Variants in ROBO3 observed in about 807,000 individuals in gnomAD.
ROBO3 encodes the protein roundabout guidance receptor 3.
Under a neutral mutation model 160.5 loss-of-function variants are expected in ROBO3, and 97 were observed. The observed-to-expected ratio is 0.60, with a 90% CI of 0.51 to 0.72. ROBO3 has a LOEUF of 0.72. Ranked by LOEUF, ROBO3 falls within the 30% of genes least tolerant of loss-of-function variation. The probability of loss-of-function intolerance (pLI) is 0.00; values close to 1 mark genes in which losing one functional copy is unlikely to be tolerated. For synonymous variants in ROBO3, 780 were observed against 746.2 expected, an observed-to-expected ratio of 1.05 and a Z score of -0.74; for missense variants, 1,858 against 1,846.5, an observed-to-expected ratio of 1.01 and a Z score of -0.11.
chr11:124,868,421 C>T, intron 1 of ROBO3: 1 of 547,948 alleles, frequency 1.8e-6, no homozygotes, highest in Non-Finnish European at 3.3e-6. Context: ...TGAACCAGTG[C>T]AGGTGGAGAT....
In ROBO3 at chr11:124,870,295, C is replaced by T; in HGVS notation, c.897C>T (p.Pro299=). The T allele has an allele frequency of 6.2e-7, 1 of 1,613,628 alleles. No homozygotes were observed. Among genetic ancestry groups the T allele is most frequent in the Non-Finnish European group, 8.5e-7 (1 of 1,179,686 alleles). ...LRWRKEDGEL[P]TGRYEIRSDH... ...GGCGCAAGGAGGATGGGGAACTGCC[C>T]ACAGGCAGGTGAGAGACCCCCTTCT... The change falls in exon 5 of 28, where the codon CCC becomes CCT. Residue 299 remains proline, a synonymous_variant. Transcript: ENST00000397801.
intron 1 of ROBO3, 182 bp from the exon 2 acceptor site, chr11:124,868,620 C>T: frequency 1.4e-6 from 1 of 723,226 alleles, no homozygotes; most frequent in Non-Finnish European, 2.5e-6. Context: ...ACGAGGAACG[C>T]GGAACGTCTG....
In ROBO3 at chr11:124,880,552, C is replaced by T. The variant is rs778312199; in HGVS notation, c.4093C>T (p.Arg1365Trp). Residue 1365 changes from arginine to tryptophan, a missense_variant, in exon 27 of 28, where the codon CGG (arginine) becomes TGG (tryptophan). By Grantham distance (101) the Arg-to-Trp change is moderately radical. Transcript: ENST00000397801. ...SRGSRGPGRS[R>W]SRSQSRSQSQ... Reference sequence around the variant, plus strand: ...GGGCTCCCGGGGCCCTGGCCGGAGCCGGAGTCGGAGTCAGAGCCGGAGCCA... The same window carrying T: ...GGGCTCCCGGGGCCCTGGCCGGAGCTGGAGTCGGAGTCAGAGCCGGAGCCA... 1.8e-4 allele frequency: 141 copies of T among 800,762 alleles called. No individual in the cohort carries two copies. Among genetic ancestry groups the T allele is most frequent in the Admixed American group, 3.5e-4 (10 of 28,902 alleles). The allele number at this position is 800,762 out of a possible 1,614,324, so 49.6% of individuals were successfully genotyped here.
rs533730490 is a variant in ROBO3, at chr11:124,880,334, G to A, written c.3959-84G>A. The A allele has an allele frequency of 1.4e-5, 21 of 1,554,860 alleles. No homozygotes were observed. The African/African-American group carries it at 1.9e-4, about 14-fold the overall frequency. ...GCCCTTCATCTTCTTCCAGAGCTGAGCCTGTGGTCAGGGTGGCAGGGTGGG... is the reference window on the plus strand; with the variant it reads ...GCCCTTCATCTTCTTCCAGAGCTGAACCTGTGGTCAGGGTGGCAGGGTGGG... On this transcript the variant is annotated intron_variant, in intron 26 of 27. Coordinates refer to ENST00000397801, the MANE Select transcript of ROBO3 (RefSeq NM_022370.4).
chr11:124,879,090 C>A, intron 23 of ROBO3, 100 bp from the exon 24 acceptor site: 1 of 1,352,518 alleles, frequency 7.4e-7, no homozygotes, highest in Non-Finnish European at 1.0e-6. Context: ...GGTTGTGTCT[C>A]GTTTATCTGT....
At chr11:124,879,621 G>C in intron 25 of ROBO3, 46 bp downstream of exon 25, 1 of 1,550,430 alleles carries the variant, frequency 6.4e-7, no homozygotes, top group Non-Finnish European at 8.8e-7. Flanking sequence ...GTGGCGGGGG[G>C]ATAGGCAGGA....
At chr11:124,880,079 C>T (rs1591523145) in intron 26 of ROBO3, 131 bp downstream of exon 26, 2 of 938,326 alleles carry the variant, frequency 2.1e-6, no homozygotes, top group East Asian at 2.7e-5. Flanking sequence ...CATCAAACTC[C>T]CCTGTCTCTC....
In ROBO3 at chr11:124,875,108, C is replaced by T. The variant is rs894813965; in HGVS notation, c.2074-3C>T. ...CTGGTGTGCCTTGTCCTGTCTCCCA[C>T]AGGTGGATGGCCCAGTCCAGCTGGT... On this transcript the variant is annotated splice_polypyrimidine_tract_variant and splice_region_variant and intron_variant, in intron 13 of 27. Transcript: ENST00000397801. 9 of 1,597,510 alleles carry T rather than the reference C, an allele frequency of 5.6e-6. No homozygotes were observed. The highest frequency in any genetic ancestry group is 1.1e-5 in the South Asian group (1 of 88,998).
In ROBO3 at chr11:124,874,892, C is replaced by G; in HGVS notation, c.2056C>G (p.Leu686Val). 1 of 1,603,838 alleles carries G rather than the reference C, an allele frequency of 6.2e-7. No individual in the cohort carries two copies. The highest frequency in any genetic ancestry group is 8.5e-7 in the Non-Finnish European group (1 of 1,175,366). ...QEPIVLGPRT[L>V]QVSWTVDGPV... ...GCCCATAGTCCTGGGACCCCGGACC[C>G]TGCAGGTGTCCTGGACTGTGAGTGT... The change falls in exon 13 of 28, where the codon CTG (leucine) becomes GTG (valine). Residue 686 changes from leucine (L) to valine (V), a missense_variant. Coordinates refer to ENST00000397801, the MANE Select transcript of ROBO3 (RefSeq NM_022370.4).
At position 124,873,313 on chromosome 11, in the gene ROBO3, A is replaced by G. The variant is rs375782698; in HGVS notation, c.1540A>G (p.Met514Val). 62 of 1,608,378 alleles carry G rather than the reference A, an allele frequency of 3.9e-5. No homozygotes were observed. The highest frequency in any genetic ancestry group is 5.2e-5 in the Non-Finnish European group (61 of 1,177,638). ...AGTGCTCTGCCCTCTCTTCCAGGAG[A>G]TGGACATGGGCTTCTACAGCTGCGT... ...GTLYIANVQE[M>V]DMGFYSCVAK... Residue 514 changes from methionine to valine, a missense_variant, in exon 10 of 28, where the codon ATG (methionine) becomes GTG (valine). By Grantham distance (21) the Met-to-Val change is conservative. Coordinates refer to ENST00000397801, the MANE Select transcript of ROBO3 (RefSeq NM_022370.4). The surrounding 1 kb of genome is among the most constrained non-coding windows in gnomAD (Gnocchi z 4.5).
chr11:124,868,476 C>A, intron 1 of ROBO3: 1 of 593,204 alleles, frequency 1.7e-6, no homozygotes, highest in Non-Finnish European at 3.0e-6. Context: ...ACTCGCCAAG[C>A]GTGGTTCAGC....
Position 124,873,458 on chromosome 11 carries a change from G to A in ROBO3, c.1618+67G>A, listed in dbSNP as rs962199354. 6.6e-5 allele frequency: 88 copies of A among 1,338,264 alleles called. No homozygotes were observed. The African/African-American group carries it at 1.2e-3, about 18-fold the overall frequency. The allele number at this position is 1,338,264 out of a possible 1,614,324, so 82.9% of individuals were successfully genotyped here. On this transcript the variant is annotated intron_variant, in intron 10 of 27. Transcript: ENST00000397801. The surrounding 1 kb of genome is among the most constrained non-coding windows in gnomAD (Gnocchi z 4.5). ...TCCAAACCTGCTTCAACAGGTAGTC[G>A]ATACCTCCTCAAACTCCGGGATTAA...
rs1946385385 is a variant in ROBO3 at position 124,876,665 on chromosome 11, C to T, written c.2779+205C>T. The T allele has an allele frequency of 4.1e-6, 2 of 488,046 alleles. No individual in the cohort carries two copies. Among genetic ancestry groups the T allele is most frequent in the Admixed American group, 3.8e-5 (1 of 26,046 alleles). 30.2% of individuals were successfully genotyped at this position (488,046 alleles called of 1,614,324 possible). On this transcript the variant is annotated intron_variant, in intron 17 of 27. Coordinates refer to ENST00000397801, the MANE Select transcript of ROBO3 (RefSeq NM_022370.4). The surrounding 1 kb of genome is among the most constrained non-coding windows in gnomAD (Gnocchi z 5.3). ...GGGAGGGCTGCGGGCCAAGACGGGG[C>T]GGGATCTGGATGACGTTTGCCTCTA...
In ROBO3 at chr11:124,869,113, T is replaced by C. The variant is rs1360121957; in HGVS notation, c.472T>C (p.Ser158Pro). Reference protein sequence around the residue: ...YLGAAASRNASLEVAVLRDDF... With the variant: ...YLGAAASRNAPLEVAVLRDDF... ...GGGGGCAGCAGCGAGCAGAAACGCC[T>C]CGCTGGAAGTGGCAGGTGAGAGTCA... Residue 158 changes from serine to proline, a missense_variant, in exon 2 of 28, where the codon TCG (serine) becomes CCG (proline). Coordinates refer to ENST00000397801, the MANE Select transcript of ROBO3 (RefSeq NM_022370.4). The surrounding 1 kb of genome is among the most constrained non-coding windows in gnomAD (Gnocchi z 4.2). 1.3e-6 allele frequency: 2 copies of C among 1,565,070 alleles called. No homozygotes were observed. The highest frequency in any genetic ancestry group is 2.7e-5 in the African/African-American group (2 of 73,802).
Position 124,868,927 on chromosome 11 carries a change from G to A in ROBO3, c.286G>A (p.Glu96Lys), listed in dbSNP as rs1946240641. 1 of 1,607,688 alleles carries A rather than the reference G, an allele frequency of 6.2e-7. No individual in the cohort carries two copies. Among genetic ancestry groups the A allele is most frequent in the African/African-American group, 1.3e-5 (1 of 74,872 alleles). The change falls in exon 2 of 28, where the codon GAG becomes AAG. Residue 96 changes from glutamate (E) to lysine (K), a missense_variant. Physicochemically the swap from Glu to Lys is moderately conservative, Grantham distance 56 (BLOSUM62 1). Transcript: ENST00000397801. ...TGAAGGCCGACCCCGACCCAACATT[G>A]AGTGGTACAAGAACGGGGCGCGTGT... is the stretch of plus-strand genomic sequence containing the variant. ...RAEGRPRPNI[E>K]WYKNGARVAT...
Position 124,876,938 on chromosome 11 carries a change from T to C in ROBO3, c.2780-223T>C. On this transcript the variant is annotated intron_variant, in intron 17 of 27. Transcript: ENST00000397801. The surrounding 1 kb of genome is among the most constrained non-coding windows in gnomAD (Gnocchi z 5.3). Reference sequence around the variant, plus strand: ...GAGATTCTGAGGTGTTTGAGGTCAGTGGTTTTCAATCTTGGTTGGCTACAC... The same window carrying C: ...GAGATTCTGAGGTGTTTGAGGTCAGCGGTTTTCAATCTTGGTTGGCTACAC... The C allele has an allele frequency of 1.6e-6, 1 of 633,344 alleles. No homozygotes were observed. The highest frequency in any genetic ancestry group is 1.8e-5 in the South Asian group (1 of 54,794). The allele number at this position is 633,344 out of a possible 1,614,324, so 39.2% of individuals were successfully genotyped here.
rs2135324994 is a variant in ROBO3 at position 124,869,188 on chromosome 11, C to G, written c.487+60C>G. 1 of 1,468,310 alleles carries G rather than the reference C, an allele frequency of 6.8e-7. No individual in the cohort carries two copies. The highest frequency in any genetic ancestry group is 2.2e-5 in the Admixed American group (1 of 46,482). 91.0% of individuals were successfully genotyped at this position (1,468,310 alleles called of 1,614,324 possible). The stretch of plus-strand genomic sequence containing the variant: ...AGAGCCTGGGGTAGGCGGGAGGGCA[C>G]TGGGCAATCAGACCCAGAACCAGCC... On this transcript the variant is annotated intron_variant, in intron 2 of 27. Transcript: ENST00000397801. The surrounding 1 kb of genome is among the most constrained non-coding windows in gnomAD (Gnocchi z 4.2).
chr11:124,878,320 G>A lies in ROBO3; in HGVS notation c.3204G>A (p.Lys1068=). 4.3e-6 allele frequency: 7 copies of A among 1,613,628 alleles called. No individual in the cohort carries two copies. The highest frequency in any genetic ancestry group is 5.9e-6 in the Non-Finnish European group (7 of 1,179,758). Residue 1068 remains lysine (K), a synonymous_variant, in exon 22 of 28, where the codon AAG becomes AAA. Coordinates refer to ENST00000397801, the MANE Select transcript of ROBO3 (RefSeq NM_022370.4). The surrounding 1 kb of genome is among the most constrained non-coding windows in gnomAD (Gnocchi z 4.3). ...GDSGAKGGKV[K]LLGKPVQMPS... is the part of the protein sequence containing the mutation. ...CAGGAGCCAAGGGAGGCAAAGTGAAGCTTCTGGGGAAACCTGTGCAGATGC... is the reference window on the plus strand; with the variant it reads ...CAGGAGCCAAGGGAGGCAAAGTGAAACTTCTGGGGAAACCTGTGCAGATGC...
At chr11:124,880,708 A>G in intron 27 of ROBO3, 100 bp downstream of exon 27, 2 of 1,414,528 alleles carry the variant, frequency 1.4e-6, no homozygotes, top group South Asian at 1.5e-5. Flanking sequence ...CTTGTGGAGG[A>G]GTGTCAAAAG....
Sources: gnomAD v4.1 joint callset for allele counts on GRCh38, gnomAD v4.1.1 for gene constraint, Gnocchi (gnomAD v3.1) non-coding constraint, MANE v1.5 for transcripts, NCBI Gene and HGNC (gene_info 2026-07-23, HGNC 2026-07-21) for gene names.